The following ZNF462 variants were observed in gnomAD, a reference collection of about 807,000 sequenced individuals.
ZNF462 encodes zinc finger protein 462.
Under a neutral mutation model 201.9 loss-of-function variants are expected in ZNF462, and 10 were observed. The ratio of observed to expected loss-of-function variants is 0.05; its 90% CI spans 0.03 to 0.08. The LOEUF (loss-of-function observed/expected upper bound fraction) is 0.08. ZNF462 is among the 10% of genes least tolerant of loss of function. The pLI, the probability that ZNF462 is intolerant of heterozygous loss-of-function variation, is 1.00. For missense variants in ZNF462, 2,523 were observed against 3,168.3 expected (o/e 0.80, Z 4.89); for synonymous variants, 1,227 against 1,193.3 (o/e 1.03, Z -0.58).
intron 1 of ZNF462, among the ~76,000 whole-genome samples, chr9:106,915,273 A>G (rs1179262585): frequency 6.6e-6 from 1 of 151,704 alleles, no homozygotes; most frequent in Non-Finnish European, 1.5e-5. Context: ...TTTGTTGGGC[A>G]AAAGTGGGAT....
In ZNF462 at chr9:106,984,078, C is replaced by G; in HGVS notation, c.6833-108C>G. On this transcript the variant is annotated intron_variant, in intron 9 of 12. Coordinates refer to ENST00000277225, the MANE Select transcript of ZNF462 (RefSeq NM_021224.6). The surrounding 1 kb of genome is among the most constrained non-coding windows in gnomAD (Gnocchi z 6.4). ...GTGTGTCAGTTCAAGGAACCAGATC[C>G]ACGAGGAGCAGCAAGATTGGGTGAG... The G allele has an allele frequency of 9.9e-7, 1 of 1,012,348 alleles. No homozygotes were observed. The highest frequency in any genetic ancestry group is 1.5e-6 in the Non-Finnish European group (1 of 684,562). The allele number at this position is 1,012,348 out of a possible 1,614,324, so 62.7% of individuals were successfully genotyped here. A position where few individuals can be genotyped will look rare whatever the true frequency, so the allele number is the denominator to read the frequency against.
intron 7 of ZNF462, among the ~76,000 whole-genome samples, chr9:106,940,936 G>A (rs1214958251): frequency 6.6e-6 from 1 of 152,178 alleles, no homozygotes; most frequent in Non-Finnish European, 1.5e-5. Flanking sequence ...CTGTATTAAT[G>A]TGATTTTTAA....
chr9:106,917,848 A>ATATTTATTTATTTATT lies in ZNF462; in HGVS notation c.-30-5476_-30-5461dup, dbSNP rs57577781. On this transcript the variant is annotated intron_variant, in intron 1 of 12. Transcript: ENST00000277225. This position sits in a 1 kb window ranked among gnomAD's most constrained non-coding sequence, Gnocchi z 4.5. ...TATTTTGCTGGTTTATTATTTTTTT[A>ATATTTATTTATTTATT]TATTTATTTATTTATTTATTTATTT... Among the ~76,000 whole-genome samples, 4 of 145,726 alleles carry ATATTTATTTATTTATT rather than the reference A, an allele frequency of 2.7e-5. No individual in the cohort carries two copies. Among genetic ancestry groups the ATATTTATTTATTTATT allele is most frequent in the Non-Finnish European group, 4.5e-5 (3 of 66,520 alleles).
chr9:106,915,433 A>C (rs2131348170), intron 1 of ZNF462, among the ~76,000 whole-genome samples: 1 of 152,306 alleles, frequency 6.6e-6, no homozygotes, highest in Non-Finnish European at 1.5e-5. Flanking sequence ...TTTAGGAATA[A>C]ACTTACTTGC....
At chr9:106,941,224 G>C (rs1171382365) in intron 7 of ZNF462, among the ~76,000 whole-genome samples, 5 of 152,170 alleles carry the variant, frequency 3.3e-5, no homozygotes, top group Non-Finnish European at 7.3e-5. Context: ...TCTGAGGGCT[G>C]TACTATGCAC....
chr9:106,904,452 C>T (rs1197024252), intron 1 of ZNF462, among the ~76,000 whole-genome samples: 2 of 152,138 alleles, frequency 1.3e-5, no homozygotes, highest in African/African-American at 4.8e-5. Flanking sequence ...GTTCTTTGTG[C>T]TTCCTATATT....
rs537332196 is a variant in ZNF462 at position 106,917,031 on chromosome 9, C to A, written c.-30-6323C>A. On this transcript the variant is annotated intron_variant, in intron 1 of 12. Transcript: ENST00000277225. The surrounding 1 kb of genome is among the most constrained non-coding windows in gnomAD (Gnocchi z 4.5). Reference sequence around the variant, plus strand: ...CCTTTTCTACGGACAGGAGAGCTGGCAGACTGCCTATTGGCCTGTTGGCCT... The same window carrying A: ...CCTTTTCTACGGACAGGAGAGCTGGAAGACTGCCTATTGGCCTGTTGGCCT... Among the ~76,000 whole-genome samples the A allele has an allele frequency of 6.6e-6, 1 of 152,336 alleles. No individual in the cohort carries two copies. Among genetic ancestry groups the A allele is most frequent in the South Asian group, 2.1e-4 (1 of 4,814 alleles).
chr9:107,003,959 C>G lies in ZNF462; in HGVS notation c.7189+533C>G, dbSNP rs1229313879. ...TGTAAGGAGAGAGAAAGAGAGACCA[C>G]CTCTTTCATTCAACTATGTATTTAC... On this transcript the variant is annotated intron_variant, in intron 11 of 12. Transcript: ENST00000277225. This position sits in a 1 kb window ranked among gnomAD's most constrained non-coding sequence, Gnocchi z 4.4. 6.6e-6 allele frequency among the ~76,000 whole-genome samples: 1 copy of G among 152,080 alleles called. No individual in the cohort carries two copies. The highest frequency in any genetic ancestry group is 1.5e-5 in the Non-Finnish European group (1 of 68,020).
intron 1 of ZNF462, among the ~76,000 whole-genome samples, chr9:106,896,275 G>A (rs974478327): frequency 1.3e-5 from 2 of 152,148 alleles, no homozygotes; most frequent in Non-Finnish European, 2.9e-5. Context: ...TTTAGTTAGT[G>A]GATGGTGCTG....
chr9:106,931,631 G>A (rs991085899), intron 4 of ZNF462, among the ~76,000 whole-genome samples: 1 of 152,146 alleles, frequency 6.6e-6, no homozygotes, highest in Non-Finnish European at 1.5e-5. Flanking sequence ...CTCGTTTCCT[G>A]GGATCATGTG....
Position 107,012,833 on chromosome 9 carries a change from G to T in ZNF462, c.*1803G>T, listed in dbSNP as rs1022340864. The T allele has an allele frequency of 6.6e-6, 1 of 151,676 alleles. No individual in the cohort carries two copies. Among genetic ancestry groups the T allele is most frequent in the African/African-American group, 2.4e-5 (1 of 41,352 alleles). 9.4% of individuals were successfully genotyped at this position (151,676 alleles called of 1,614,324 possible). A position where few individuals can be genotyped will look rare whatever the true frequency, so the allele number is the denominator to read the frequency against. On this transcript the variant is annotated 3_prime_UTR_variant, in exon 13 of 13. Transcript: ENST00000277225. ...CAAATAAAATCCATGGAAAGATGTT[G>T]CATTTGTGGAATAAGTGCTTACTTG...
Position 106,926,672 on chromosome 9 carries a change from C to G in ZNF462, c.2760C>G (p.His920Gln). Residue 920 changes from histidine to glutamine, a missense_variant, in exon 3 of 13, where the codon CAC (histidine) becomes CAG (glutamine). His to Gln is a conservative substitution (Grantham distance 24). Around this residue, in one of 15 missense-constraint regions of ZNF462, gnomAD observed 280 missense variants for 321.3 expected, o/e 0.87. Transcript: ENST00000277225. This position sits in a 1 kb window ranked among gnomAD's most constrained non-coding sequence, Gnocchi z 7.9. ...CCATGAATGTACTCAACTTTGATCA[C>G]TCGGACCTGATCTACCGGTGTCGGT... ...PEAMNVLNFD[H>Q]SDLIYRCRFC... The G allele has an allele frequency of 1.2e-6, 2 of 1,614,118 alleles. No individual in the cohort carries two copies.
chr9:106,927,897 C>T lies in ZNF462; in HGVS notation c.3985C>T (p.Leu1329=). ...YSHTEPNGLL[L]HYQRRHPEHY... is the part of the protein sequence containing the mutation. Reference sequence around the variant, plus strand: ...CCATACGGAGCCCAACGGTTTGCTCCTGCATTACCAACGGAGGCATCCAGA... The same window carrying T: ...CCATACGGAGCCCAACGGTTTGCTCTTGCATTACCAACGGAGGCATCCAGA... The change falls in exon 3 of 13, where the codon CTG becomes TTG. Residue 1329 remains leucine (L), a synonymous_variant. Coordinates refer to ENST00000277225, the MANE Select transcript of ZNF462 (RefSeq NM_021224.6). 1 of 1,614,174 alleles carries T rather than the reference C, an allele frequency of 6.2e-7. No individual in the cohort carries two copies. The highest frequency in any genetic ancestry group is 8.5e-7 in the Non-Finnish European group (1 of 1,180,040).
In ZNF462 at chr9:106,972,939, G is replaced by T. The variant is rs910045742; in HGVS notation, c.6695+667G>T. On this transcript the variant is annotated intron_variant, in intron 8 of 12. Coordinates refer to ENST00000277225, the MANE Select transcript of ZNF462 (RefSeq NM_021224.6). This position sits in a 1 kb window ranked among gnomAD's most constrained non-coding sequence, Gnocchi z 4.8. ...ATCCTGTGAGATAGCGTTTAGGTTA[G>T]TGGTTACAAGTGTAGAGTGTGGAGC... Among the ~76,000 whole-genome samples the T allele has an allele frequency of 6.6e-6, 1 of 152,214 alleles. No homozygotes were observed. Among genetic ancestry groups the T allele is most frequent in the Non-Finnish European group, 1.5e-5 (1 of 68,042 alleles).
chr9:106,928,123 T>A lies in ZNF462; in HGVS notation c.4211T>A (p.Leu1404Gln), dbSNP rs1830276734. ...WAMNGDESVLLDIIKEKDAVE... is the reference protein window; with the variant it reads ...WAMNGDESVLQDIIKEKDAVE... ...ATGAATGGTGATGAGTCAGTGCTAC[T>A]GGACATCATCAAGGAGAAAGATGCT... Residue 1404 changes from leucine (L) to glutamine (Q), a missense_variant, in exon 3 of 13, where the codon CTG becomes CAG. Around this residue, in one of 15 missense-constraint regions of ZNF462, gnomAD observed 165 missense variants for 142.6 expected, o/e 1.16. Coordinates refer to ENST00000277225, the MANE Select transcript of ZNF462 (RefSeq NM_021224.6). This position sits in a 1 kb window ranked among gnomAD's most constrained non-coding sequence, Gnocchi z 9.3. The A allele has an allele frequency of 6.2e-7, 1 of 1,614,078 alleles. No individual in the cohort carries two copies. Among genetic ancestry groups the A allele is most frequent in the Admixed American group, 1.7e-5 (1 of 59,996 alleles).
rs1379258798 is a variant in ZNF462 at position 106,984,051 on chromosome 9, A to G, written c.6833-135A>G. The G allele has an allele frequency of 1.4e-6, 1 of 727,800 alleles. No homozygotes were observed. Among genetic ancestry groups the G allele is most frequent in the Non-Finnish European group, 2.3e-6 (1 of 441,272 alleles). 45.1% of individuals were successfully genotyped at this position (727,800 alleles called of 1,614,324 possible). On this transcript the variant is annotated intron_variant, in intron 9 of 12. Transcript: ENST00000277225. The surrounding 1 kb of genome is among the most constrained non-coding windows in gnomAD (Gnocchi z 6.4). ...GGGGGTTAGGGGAGGGGCAGGGTGC[A>G]TGTGTGTCAGTTCAAGGAACCAGAT...
rs1830709666 is a variant in ZNF462, at chr9:106,938,146, G to C, written c.6236-770G>C. Among the ~76,000 whole-genome samples the C allele has an allele frequency of 2.6e-5, 4 of 152,134 alleles. No individual in the cohort carries two copies. Among genetic ancestry groups the C allele is most frequent in the Admixed American group, 2.6e-4 (4 of 15,272 alleles). Reference sequence around the variant, plus strand: ...ACTTAATTTGGTCATGGTGATCTGTGTTGTATTTCAGTGGCATAAAATTAA... The same window carrying C: ...ACTTAATTTGGTCATGGTGATCTGTCTTGTATTTCAGTGGCATAAAATTAA... On this transcript the variant is annotated intron_variant, in intron 6 of 12. Transcript: ENST00000277225. The surrounding 1 kb of genome is among the most constrained non-coding windows in gnomAD (Gnocchi z 4.4).
Position 107,011,105 on chromosome 9 carries a change from A to T in ZNF462, c.*75A>T. 6.9e-7 allele frequency: 1 copy of T among 1,452,410 alleles called. No individual in the cohort carries two copies. 90.0% of individuals were successfully genotyped at this position (1,452,410 alleles called of 1,614,324 possible). On this transcript the variant is annotated 3_prime_UTR_variant, in exon 13 of 13. Coordinates refer to ENST00000277225, the MANE Select transcript of ZNF462 (RefSeq NM_021224.6). The surrounding 1 kb of genome is among the most constrained non-coding windows in gnomAD (Gnocchi z 5.6). ...GTGGGAGGGCTGGCTTGGGCTGAGA[A>T]GGGAGGGACAGAAAAGAGAAGACAG...
intron 10 of ZNF462, among the ~76,000 whole-genome samples, chr9:106,992,411 A>T (rs1176153821): frequency 1.3e-5 from 2 of 152,136 alleles, no homozygotes; most frequent in Non-Finnish European, 1.5e-5. Context: ...GTAAAATACC[A>T]TAGCCACTTC....
Sources: allele counts gnomAD v4.1 joint callset (sites outside exome capture counted in the v4.1 genomes callset), GRCh38; gene constraint gnomAD v4.1.1; regional missense constraint gnomAD v4.1.1; non-coding constraint Gnocchi (gnomAD v3.1); transcripts MANE v1.5; gene names NCBI Gene and HGNC (gene_info 2026-07-23, HGNC 2026-07-21).